EBF1: variants seen among roughly 807,000 people sequenced by gnomAD.
EBF1 encodes the protein EBF transcription factor 1.
Under a neutral mutation model 68.4 loss-of-function variants are expected in EBF1, and 10 were observed. The observed-to-expected ratio is 0.15, with a 90% CI of 0.09 to 0.25. The LOEUF (loss-of-function observed/expected upper bound fraction) is 0.25, where lower values mean the gene tolerates loss of function less well. Among genes scored for constraint, EBF1 ranks in the 10% least tolerant of loss-of-function variants. EBF1 has a pLI of 1.00. For synonymous variants in EBF1, 298 were observed against 299.8 expected (o/e 0.99, Z 0.06); for missense variants, 509 against 794.4 (o/e 0.64, Z 4.32).
intron 6 of EBF1, among the ~76,000 whole-genome samples, chr5:158,912,607 C>G (rs1441651196): frequency 6.6e-6 from 1 of 152,192 alleles, no homozygotes; most frequent in African/African-American, 2.4e-5. Context: ...TCAGGCGATT[C>G]TGACGAACAG....
chr5:158,960,344 T>A (rs1367225902), intron 6 of EBF1, among the ~76,000 whole-genome samples: 1 of 152,132 alleles, frequency 6.6e-6, no homozygotes, highest in African/African-American at 2.4e-5. Flanking sequence ...AAATAAATTA[T>A]AGAAACACTA....
intron 7 of EBF1, among the ~76,000 whole-genome samples, chr5:158,828,083 T>A (rs977130113): frequency 1.3e-5 from 2 of 152,194 alleles, no homozygotes; most frequent in Non-Finnish European, 2.9e-5. Flanking sequence ...GTTGTACTTT[T>A]GCATTAATTT....
intron 6 of EBF1, among the ~76,000 whole-genome samples, chr5:158,949,171 T>A (rs1215168075): frequency 2.6e-5 from 4 of 152,220 alleles, no homozygotes; most frequent in Admixed American, 2.6e-4. Flanking sequence ...TCTATATAAT[T>A]CCCCAACTTA....
chr5:159,046,605 T>G (rs759061362), intron 6 of EBF1, among the ~76,000 whole-genome samples: 10 of 152,178 alleles, frequency 6.6e-5, no homozygotes, highest in Non-Finnish European at 1.0e-4. Flanking sequence ...AGCGTCTTTC[T>G]TTTTTTAAAC....
intron 8 of EBF1, among the ~76,000 whole-genome samples, chr5:158,815,352 TTGAG>T (rs539324742): frequency 1.7e-3 from 261 of 152,294 alleles, no homozygotes; most frequent in Non-Finnish European, 3.2e-3. Flanking sequence ...TTCTGCAGCT[TTGAG>T]TAAGTTATTG....
At chr5:158,809,709 C>A (rs1187435181) in intron 8 of EBF1, among the ~76,000 whole-genome samples, 1 of 152,106 alleles carries the variant, frequency 6.6e-6, no homozygotes, top group Non-Finnish European at 1.5e-5. Context: ...AACTTCCAGG[C>A]TTAGAAGCTT....
At chr5:158,699,605 C>G (rs1199665692) in intron 15 of EBF1, among the ~76,000 whole-genome samples, 1 of 152,152 alleles carries the variant, frequency 6.6e-6, no homozygotes, top group African/African-American at 2.4e-5. Flanking sequence ...TGTATTAGCA[C>G]AAAAACTAAG....
At chr5:158,778,809 A>T (rs1303956036) in intron 9 of EBF1, among the ~76,000 whole-genome samples, 1 of 152,216 alleles carries the variant, frequency 6.6e-6, no homozygotes, top group Non-Finnish European at 1.5e-5. Flanking sequence ...TAGCAATTAC[A>T]AATACCCTGT....
intron 6 of EBF1, among the ~76,000 whole-genome samples, chr5:159,031,748 C>T (rs1024904392): frequency 6.6e-6 from 1 of 152,190 alleles, no homozygotes; most frequent in Non-Finnish European, 1.5e-5. Flanking sequence ...TACATGGAAA[C>T]CACAACACAG....
chr5:159,048,390 C>T (rs1334657299), intron 6 of EBF1, among the ~76,000 whole-genome samples: 1 of 152,198 alleles, frequency 6.6e-6, no homozygotes, highest in Admixed American at 6.5e-5. Flanking sequence ...CCACAACCTG[C>T]TATGTCGTGG....
Position 158,727,093 on chromosome 5 carries a change from G to C in EBF1, c.1125+3976C>G, listed in dbSNP as rs79540630. ...GTTGAGTCATGTGTACCAAGTAGGG[G>C]ATCATGTTTCCAAAACGCACATCCT... On this transcript the variant is annotated intron_variant, in intron 11 of 15. Transcript: ENST00000313708. Among the ~76,000 whole-genome samples, 75 of 152,328 alleles carry C rather than the reference G, an allele frequency of 4.9e-4. No individual in the cohort carries two copies. In the East Asian group the frequency reaches 0.013, roughly 27 times the overall value.
At chr5:159,080,800 G>A (rs1779624116) in intron 5 of EBF1, among the ~76,000 whole-genome samples, 1 of 152,184 alleles carries the variant, frequency 6.6e-6, no homozygotes, top group South Asian at 2.1e-4. Flanking sequence ...ACTGAAGACA[G>A]AGGAACACCC....
At chr5:158,992,060 G>A (rs1302679834) in intron 6 of EBF1, among the ~76,000 whole-genome samples, 1 of 152,110 alleles carries the variant, frequency 6.6e-6, no homozygotes, top group Non-Finnish European at 1.5e-5. Context: ...CTCACCACAC[G>A]GGGCTAAGAG....
rs1189302821 is a variant in EBF1, at chr5:158,870,590, C to A, written c.555-30480G>T. On this transcript the variant is annotated intron_variant, in intron 6 of 15. Coordinates refer to ENST00000313708, the MANE Select transcript of EBF1 (RefSeq NM_024007.5). ...ATTCAGGAGGCTAAGGTAAGAAAAT[C>A]ACCTGAGCCCAAGAGGTCAAGGCTT... Among the ~76,000 whole-genome samples, 3 of 152,254 alleles carry A rather than the reference C, an allele frequency of 2.0e-5. No homozygotes were observed. In the East Asian group the frequency reaches 5.8e-4, roughly 29 times the overall value.
At chr5:158,858,237 C>T (rs969334706) in intron 6 of EBF1, among the ~76,000 whole-genome samples, 2 of 152,144 alleles carry the variant, frequency 1.3e-5, no homozygotes, top group African/African-American at 2.4e-5. Flanking sequence ...TAGTGGTAAA[C>T]TTGCATTAGT....
chr5:158,845,942 T>C (rs1387832255), intron 6 of EBF1, among the ~76,000 whole-genome samples: 1 of 152,208 alleles, frequency 6.6e-6, no homozygotes, highest in African/African-American at 2.4e-5. Context: ...GGTTGAGTTT[T>C]TACCTCCCCC....
intron 10 of EBF1, among the ~76,000 whole-genome samples, chr5:158,773,662 G>A (rs941269090): frequency 6.6e-6 from 1 of 151,970 alleles, no homozygotes; most frequent in African/African-American, 2.4e-5. Context: ...CTAGAATGAA[G>A]GCAACACATG....
chr5:159,066,531 C>G (rs1177261898), intron 6 of EBF1, among the ~76,000 whole-genome samples: 1 of 151,886 alleles, frequency 6.6e-6, no homozygotes, highest in African/African-American at 2.4e-5. Flanking sequence ...AAGTTTGCAT[C>G]ATTTAACATA....
chr5:158,876,629 T>A (rs1190858184), intron 6 of EBF1, among the ~76,000 whole-genome samples: 1 of 152,142 alleles, frequency 6.6e-6, no homozygotes, highest in Non-Finnish European at 1.5e-5. Flanking sequence ...GCCCTATTAT[T>A]CAGTTTAAGA....
Sources: gnomAD v4.1 joint callset for allele counts (sites outside exome capture counted in the v4.1 genomes callset) on GRCh38, gnomAD v4.1.1 for gene constraint, MANE v1.5 for transcripts, NCBI Gene and HGNC (gene_info 2026-07-23, HGNC 2026-07-21) for gene names.